PTGIS: variants seen among roughly 807,000 people sequenced by gnomAD.
PTGIS encodes the protein prostacyclin synthase.
In PTGIS, 45 loss-of-function variants were observed where a neutral mutation model predicts 50.3. The observed-to-expected ratio is 0.90, with a 90% CI of 0.70 to 1.15. PTGIS has a LOEUF of 1.15. Among genes scored for constraint, PTGIS ranks in the 50% most tolerant of loss-of-function variants. PTGIS has a pLI of 0.00. For missense variants in PTGIS, 668 were observed against 661.3 expected, an observed-to-expected ratio of 1.01 and a Z score of -0.11; for synonymous variants, 260 against 267.7, an observed-to-expected ratio of 0.97 and a Z score of 0.28.
chr20:49,550,071 A>G lies in PTGIS; in HGVS notation c.193T>C (p.Phe65Leu). Reference sequence around the variant, plus strand: ...GAGGCACAAGAGGCACTTACAGTAAAGATGTCACCGTGCTTCTCCTTCATC... The same window carrying G: ...GAGGCACAAGAGGCACTTACAGTAAGGATGTCACCGTGCTTCTCCTTCATC... ...TRMKEKHGDI[F>L]TILVGGRYVT... The change falls in exon 2 of 10, where the codon TTT becomes CTT. Residue 65 changes from phenylalanine (F) to leucine (L), a missense_variant. Coordinates refer to ENST00000244043, the MANE Select transcript of PTGIS (RefSeq NM_000961.4). 6.2e-7 allele frequency: 1 copy of G among 1,614,202 alleles called. No individual in the cohort carries two copies. The highest frequency in any genetic ancestry group is 1.1e-5 in the South Asian group (1 of 91,082).
At chr20:49,535,787 A>G (rs1982053143) in intron 5 of PTGIS, among the ~76,000 whole-genome samples, 1 of 152,226 alleles carries the variant, frequency 6.6e-6, no homozygotes, top group Non-Finnish European at 1.5e-5. Context: ...AAGTGCTAAG[A>G]TTACAGGCAT....
At chr20:49,538,926 C>T (rs1982152034) in intron 5 of PTGIS, among the ~76,000 whole-genome samples, 1 of 152,088 alleles carries the variant, frequency 6.6e-6, no homozygotes, top group Non-Finnish European at 1.5e-5. Flanking sequence ...AAGTGATCCG[C>T]CCACCTCAGC....
intron 1 of PTGIS, among the ~76,000 whole-genome samples, chr20:49,565,368 GAA>G (rs1367824496): frequency 2.0e-5 from 3 of 152,158 alleles, no homozygotes; most frequent in African/African-American, 7.2e-5. Flanking sequence ...TTCTTCCTGT[GAA>G]TTAAAAATTC....
chr20:49,539,085 C>T (rs1022680414), intron 5 of PTGIS, among the ~76,000 whole-genome samples: 88 of 152,230 alleles, frequency 5.8e-4, no homozygotes, highest in African/African-American at 2.0e-3. Flanking sequence ...AAAAATAACA[C>T]ACATCTGTGT....
rs1982186314 is a variant in PTGIS, at chr20:49,540,059, G to T, written c.522-338C>A. Among the ~76,000 whole-genome samples, 1 of 151,896 alleles carries T rather than the reference G, an allele frequency of 6.6e-6. No individual in the cohort carries two copies. Among genetic ancestry groups the T allele is most frequent in the Non-Finnish European group, 1.5e-5 (1 of 67,974 alleles). On this transcript the variant is annotated intron_variant, in intron 4 of 9. Transcript: ENST00000244043. This position sits in a 1 kb window ranked among gnomAD's most constrained non-coding sequence, Gnocchi z 4.8. Reference sequence around the variant, plus strand: ...TCAGGTGCCAGGTGAGGGAGGGGCTGGTGTCAAGCTGACAGCTGAAGGCTG... The same window carrying T: ...TCAGGTGCCAGGTGAGGGAGGGGCTTGTGTCAAGCTGACAGCTGAAGGCTG...
chr20:49,513,570 C>T (rs563350711), intron 7 of PTGIS, among the ~76,000 whole-genome samples: 119 of 152,074 alleles, frequency 7.8e-4, no homozygotes, highest in Middle Eastern at 3.4e-3. Context: ...CCTGTCTGCC[C>T]GGCATATATT....
intron 1 of PTGIS, among the ~76,000 whole-genome samples, chr20:49,554,684 T>G (rs1422619798): frequency 1.3e-5 from 2 of 152,294 alleles, no homozygotes; most frequent in Non-Finnish European, 2.9e-5. Context: ...TCTGAGAGAT[T>G]AAATTAGTTC....
intron 5 of PTGIS, among the ~76,000 whole-genome samples, chr20:49,528,636 AAT>A (rs1038585253): frequency 6.6e-6 from 1 of 152,026 alleles, no homozygotes; most frequent in African/African-American, 2.4e-5. Flanking sequence ...AAACAAAAAA[AAT>A]ATATATATAG....
At position 49,513,065 on chromosome 20, in the gene PTGIS, G is replaced by A. The variant is rs182613594; in HGVS notation, c.1206+15C>T. Reference sequence around the variant, plus strand: ...TCCCACAGACCCCATATGACCAGGCGCCCCTGCCATTTACCTCTGGGTCTG... The same window carrying A: ...TCCCACAGACCCCATATGACCAGGCACCCCTGCCATTTACCTCTGGGTCTG... On this transcript the variant is annotated intron_variant, in intron 8 of 9. Coordinates refer to ENST00000244043, the MANE Select transcript of PTGIS (RefSeq NM_000961.4). 5.6e-5 allele frequency: 90 copies of A among 1,613,988 alleles called. No individual in the cohort carries two copies. The highest frequency in any genetic ancestry group is 5.5e-4 in the African/African-American group (41 of 75,010).
At chr20:49,558,874 C>T (rs779442086) in intron 1 of PTGIS, among the ~76,000 whole-genome samples, 1 of 151,978 alleles carries the variant, frequency 6.6e-6, no homozygotes, top group Non-Finnish European at 1.5e-5. Context: ...CAACCATGCC[C>T]GGCTAGTTTT....
Position 49,548,035 on chromosome 20 carries a change from A to G in PTGIS, c.199-16T>C, listed in dbSNP as rs1364000847. On this transcript the variant is annotated splice_polypyrimidine_tract_variant and intron_variant, in intron 2 of 9. Coordinates refer to ENST00000244043, the MANE Select transcript of PTGIS (RefSeq NM_000961.4). ...CAACCAGTATCTGTGGGAAGTTGCC[A>G]GGGATAGAGTGAGGAGTGTCACTGT... 2 of 1,612,948 alleles carry G rather than the reference A, an allele frequency of 1.2e-6. No individual in the cohort carries two copies. The highest frequency in any genetic ancestry group is 2.7e-5 in the African/African-American group (2 of 74,974).
chr20:49,549,973 GGCATAGGGAC>G, intron 2 of PTGIS, 83 bp downstream of exon 2: 1 of 1,593,482 alleles, frequency 6.3e-7, no homozygotes, highest in Non-Finnish European at 8.6e-7. Flanking sequence ...TGGGGGGGTT[GGCATAGGGAC>G]ATATGTTGAA....
intron 2 of PTGIS, among the ~76,000 whole-genome samples, chr20:49,549,387 T>A (rs1982446564): frequency 6.6e-6 from 1 of 152,162 alleles, no homozygotes; most frequent in Non-Finnish European, 1.5e-5. Context: ...TAGGGAAGAA[T>A]TACAACAAAA....
At chr20:49,523,970 C>G in intron 6 of PTGIS, 88 bp downstream of exon 6, 12 of 1,481,174 alleles carry the variant, frequency 8.1e-6, no homozygotes, top group Non-Finnish European at 1.1e-5. Context: ...CACACCTGCA[C>G]AGGTGCACAG....
intron 5 of PTGIS, among the ~76,000 whole-genome samples, chr20:49,524,714 G>T (rs1981752229): frequency 6.6e-6 from 1 of 152,090 alleles, no homozygotes; most frequent in Admixed American, 6.6e-5. Context: ...CATCTTACAT[G>T]GCGGCAAGCA....
At chr20:49,565,657 C>T (rs1369316592) in intron 1 of PTGIS, among the ~76,000 whole-genome samples, 2 of 151,774 alleles carry the variant, frequency 1.3e-5, no homozygotes, top group African/African-American at 4.8e-5. Flanking sequence ...GTGTGAGATC[C>T]TATCACTAAA....
chr20:49,527,775 AT>A (rs992627678), intron 5 of PTGIS, among the ~76,000 whole-genome samples: 1 of 152,150 alleles, frequency 6.6e-6, no homozygotes, highest in Non-Finnish European at 1.5e-5. Context: ...TTTTACCACA[AT>A]TTTTTTAAAA....
chr20:49,539,481 G>A, intron 5 of PTGIS, 89 bp downstream of exon 5: 2 of 1,437,910 alleles, frequency 1.4e-6, no homozygotes, highest in Non-Finnish European at 9.5e-7. Context: ...TTCTGCCTGT[G>A]TTGCCTCTGG....
chr20:49,539,456 G>C (rs775902310), intron 5 of PTGIS, 114 bp downstream of exon 5: 2 of 1,243,456 alleles, frequency 1.6e-6, no homozygotes, highest in Non-Finnish European at 2.2e-6. Context: ...CTGCCTCCCT[G>C]GGCATTGGAT....
Sources: gnomAD v4.1 joint callset for allele counts (sites outside exome capture counted in the v4.1 genomes callset) on GRCh38, gnomAD v4.1.1 for gene constraint, Gnocchi (gnomAD v3.1) non-coding constraint, MANE v1.5 for transcripts, NCBI Gene and HGNC (gene_info 2026-07-23, HGNC 2026-07-21) for gene names.